The following PECAM1 variants were observed in gnomAD, a reference collection of about 807,000 sequenced individuals.
PECAM1 encodes the protein platelet and endothelial cell adhesion molecule 1, also known as platelet endothelial cell adhesion molecule.
PECAM1 carries 8 observed loss-of-function variants against 13.8 expected under a neutral mutation model. That is an observed-to-expected ratio of 0.58 (90% CI 0.34 to 1.05). PECAM1 has a LOEUF of 1.05. PECAM1 is among the 50% of genes least tolerant of loss of function. The probability of loss-of-function intolerance (pLI) is 0.03; values close to 1 mark genes in which losing one functional copy is unlikely to be tolerated. For missense variants in PECAM1, 304 were observed against 141.2 expected (o/e 2.15, Z -5.84); for synonymous variants, 136 against 52.6 (o/e 2.58, Z -6.86).
intron 10 of PECAM1, among the ~76,000 whole-genome samples, chr17:64,352,723 C>T (rs893534403): frequency 6.6e-6 from 1 of 151,784 alleles, no homozygotes; most frequent in Non-Finnish European, 1.5e-5. Flanking sequence ...AGTGCAATCT[C>T]GGATCACTGC....
chr17:64,321,910 G>A lies in PECAM1; in HGVS notation c.*1906C>T. 7.4e-7 allele frequency: 1 copy of A among 1,343,180 alleles called. No individual in the cohort carries two copies. 83.2% of individuals were successfully genotyped at this position (1,343,180 alleles called of 1,614,324 possible). A position where few individuals can be genotyped will look rare whatever the true frequency, so the allele number is the denominator to read the frequency against. ...CTCCCTGGACACAGGGGATCTGGCT[G>A]TCCCCAGATCATCAACAGAGACATG... On this transcript the variant is annotated 3_prime_UTR_variant, in exon 16 of 16. Coordinates refer to ENST00000563924, the MANE Select transcript of PECAM1 (RefSeq NM_000442.5).
chr17:64,365,107 A>T (rs1450405317), intron 5 of PECAM1, among the ~76,000 whole-genome samples: 1 of 151,530 alleles, frequency 6.6e-6, no homozygotes, highest in East Asian at 1.9e-4. Flanking sequence ...TTAAGCTGAT[A>T]AGCAACTTCA....
rs1555644625 is a variant in PECAM1, at chr17:64,322,543, C to T, written c.*1273G>A. 9 of 985,394 alleles carry T rather than the reference C, an allele frequency of 9.1e-6. No individual in the cohort carries two copies. Among genetic ancestry groups the T allele is most frequent in the East Asian group, 1.1e-4 (1 of 8,822 alleles). 61.0% of individuals were successfully genotyped at this position (985,394 alleles called of 1,614,324 possible). On this transcript the variant is annotated 3_prime_UTR_variant, in exon 16 of 16. Transcript: ENST00000563924. Reference sequence around the variant, plus strand: ...TCAAATTTATTTAATACAACATCCACGAGGGTCCCTGCAGCTGTGTCACTG... The same window carrying T: ...TCAAATTTATTTAATACAACATCCATGAGGGTCCCTGCAGCTGTGTCACTG...
chr17:64,370,719 C>T (rs1455869372), intron 4 of PECAM1, among the ~76,000 whole-genome samples: 2 of 152,130 alleles, frequency 1.3e-5, no homozygotes, highest in African/African-American at 2.4e-5. Context: ...GTATAGATCA[C>T]ATACCAACCA....
At chr17:64,382,067 T>A (rs1053055771) in intron 2 of PECAM1, among the ~76,000 whole-genome samples, 1 of 152,080 alleles carries the variant, frequency 6.6e-6, no homozygotes. Context: ...GCCATTGCAC[T>A]CCAGCCTGGG....
At position 64,373,526 on chromosome 17, in the gene PECAM1, C is replaced by CTGTGTG. The variant is rs199493363; in HGVS notation, c.691+1519_691+1524dup. Among the ~76,000 whole-genome samples, 1,264 of 148,964 alleles carry CTGTGTG rather than the reference C, an allele frequency of 8.5e-3. 8 individuals carry two copies. The highest frequency in any genetic ancestry group is 0.018 in the East Asian group (90 of 5,072). ...TTTGTAAAAACAAAAGATGTTTTTT[C>CTGTGTG]TGTGTGTGTGTGTGTGTGTGTGTGT... On this transcript the variant is annotated intron_variant, in intron 4 of 15. Coordinates refer to ENST00000563924, the MANE Select transcript of PECAM1 (RefSeq NM_000442.5).
intron 2 of PECAM1, among the ~76,000 whole-genome samples, chr17:64,385,833 T>G (rs1399247495): frequency 6.6e-6 from 1 of 151,848 alleles, no homozygotes; most frequent in Non-Finnish European, 1.5e-5. Flanking sequence ...GACACGAGGG[T>G]GTGAGAAATC....
chr17:64,355,134 C>A, intron 8 of PECAM1, 94 bp from the exon 9 acceptor site: 1 of 414,682 alleles, frequency 2.4e-6, no homozygotes, highest in South Asian at 1.2e-4. Flanking sequence ...AAAAGTCAGT[C>A]TGATTCTCAC....
chr17:64,346,359 C>T (rs111221632), intron 13 of PECAM1, among the ~76,000 whole-genome samples: 10,868 of 152,032 alleles, frequency 0.071, 1,307 homozygotes, highest in African/African-American at 0.25. Context: ...TTTTTTTAGA[C>T]GGAGTCTTGC....
In PECAM1 at chr17:64,322,874, C is replaced by T. The variant is rs1211399453; in HGVS notation, c.*942G>A. 3.1e-6 allele frequency: 1 copy of T among 325,664 alleles called. No homozygotes were observed. The highest frequency in any genetic ancestry group is 2.2e-5 in the African/African-American group (1 of 44,694). 20.2% of individuals were successfully genotyped at this position (325,664 alleles called of 1,614,324 possible). ...GATACTACAGGCATGCGCCACCACG[C>T]CCGGCTAATTCTTGTATTTTTAGTA... On this transcript the variant is annotated 3_prime_UTR_variant, in exon 16 of 16. Coordinates refer to ENST00000563924, the MANE Select transcript of PECAM1 (RefSeq NM_000442.5).
intron 7 of PECAM1, 110 bp from the exon 8 acceptor site, chr17:64,356,508 C>G (rs2035850067): frequency 7.4e-6 from 3 of 404,234 alleles, no homozygotes; most frequent in Non-Finnish European, 8.9e-6. Context: ...GAGTCCCGCT[C>G]TTATCACCCA....
Position 64,321,813 on chromosome 17 carries a change from A to G in PECAM1, c.*2003T>C. ...AGTCGTGCTGCATAAGTAAGGCACC[A>G]GGAGTAGGAATAGGGTCTTTGCAGC... On this transcript the variant is annotated 3_prime_UTR_variant, in exon 16 of 16. Coordinates refer to ENST00000563924, the MANE Select transcript of PECAM1 (RefSeq NM_000442.5). The G allele has an allele frequency of 7.5e-7, 1 of 1,339,964 alleles. No homozygotes were observed. Among genetic ancestry groups the G allele is most frequent in the South Asian group, 1.1e-5 (1 of 87,690 alleles). 83.0% of individuals were successfully genotyped at this position (1,339,964 alleles called of 1,614,324 possible).
Position 64,323,684 on chromosome 17 carries a change from TG to T in PECAM1, c.*131del, listed in dbSNP as rs1377311601. The T allele has an allele frequency of 6.5e-7, 1 of 1,536,430 alleles. No individual in the cohort carries two copies. The highest frequency in any genetic ancestry group is 8.8e-7 in the Non-Finnish European group (1 of 1,139,220). On this transcript the variant is annotated 3_prime_UTR_variant, in exon 16 of 16. Coordinates refer to ENST00000563924, the MANE Select transcript of PECAM1 (RefSeq NM_000442.5). ...GGATTTAAGAACCGGCAGCTTAGCC[TG>T]AGGAATTGCTGTGTTCTGTGGGAGC... is the stretch of plus-strand genomic sequence containing the variant.
rs915823056 is a variant in PECAM1, at chr17:64,367,475, G to A, written c.967+2275C>T. Among the ~76,000 whole-genome samples the A allele has an allele frequency of 5.3e-5, 8 of 151,630 alleles. No homozygotes were observed. In the East Asian group the frequency reaches 1.4e-3, roughly 26 times the overall value. On this transcript the variant is annotated intron_variant, in intron 5 of 15. Coordinates refer to ENST00000563924, the MANE Select transcript of PECAM1 (RefSeq NM_000442.5). Reference sequence around the variant, plus strand: ...TGAGGCAGGAGAATCGCTTGAACCCGGGAGGCGGAGGTTGCAGTGAGCTGA... The same window carrying A: ...TGAGGCAGGAGAATCGCTTGAACCCAGGAGGCGGAGGTTGCAGTGAGCTGA...
chr17:64,347,615 T>C (rs2035606578), intron 13 of PECAM1, among the ~76,000 whole-genome samples: 2 of 142,448 alleles, frequency 1.4e-5, no homozygotes, highest in South Asian at 2.1e-4. Flanking sequence ...ATAAAATATA[T>C]AAAAATAAAA....
rs2035944748 is a variant in PECAM1 at position 64,360,368 on chromosome 17, T to C, written c.1264A>G (p.Ile422Val). 1 of 475,418 alleles carries C rather than the reference T, an allele frequency of 2.1e-6. No homozygotes were observed. 29.4% of individuals were successfully genotyped at this position (475,418 alleles called of 1,614,324 possible). ...CGGACTTCGATGGTCTGTCCTTTTATGACCTCAAACTGGGCATCATAAGAA... is the reference window on the plus strand; with the variant it reads ...CGGACTTCGATGGTCTGTCCTTTTACGACCTCAAACTGGGCATCATAAGAA... The part of the protein sequence containing the change: ...RISYDAQFEV[I>V]KGQTIEVRCE... The change falls in exon 7 of 16, where the codon ATA (isoleucine) becomes GTA (valine). Residue 422 changes from isoleucine (I) to valine (V), a missense_variant. By Grantham distance (29) the Ile-to-Val change is conservative. Transcript: ENST00000563924.
intron 5 of PECAM1, among the ~76,000 whole-genome samples, chr17:64,366,625 C>A (rs1261517702): frequency 6.6e-6 from 1 of 151,784 alleles, no homozygotes; most frequent in African/African-American, 2.4e-5. Flanking sequence ...ACATATACAC[C>A]ATGGAATACT....
chr17:64,374,317 C>T (rs2036308241), intron 4 of PECAM1, among the ~76,000 whole-genome samples: 1 of 151,802 alleles, frequency 6.6e-6, no homozygotes, highest in Non-Finnish European at 1.5e-5. Context: ...TGGTAAAACC[C>T]TGTCTATACT....
chr17:64,323,663 T>C lies in PECAM1; in HGVS notation c.*153A>G. Reference sequence around the variant, plus strand: ...CCAACATTAACTTAGCAGGATGGATTTAAGAACCGGCAGCTTAGCCTGAGG... The same window carrying C: ...CCAACATTAACTTAGCAGGATGGATCTAAGAACCGGCAGCTTAGCCTGAGG... On this transcript the variant is annotated 3_prime_UTR_variant, in exon 16 of 16. Transcript: ENST00000563924. The C allele has an allele frequency of 1.3e-6, 2 of 1,500,844 alleles. No homozygotes were observed. 93.0% of individuals were successfully genotyped at this position (1,500,844 alleles called of 1,614,324 possible). A position where few individuals can be genotyped will look rare whatever the true frequency, so the allele number is the denominator to read the frequency against.
Sources: allele counts gnomAD v4.1 joint callset (sites outside exome capture counted in the v4.1 genomes callset), GRCh38; gene constraint gnomAD v4.1.1; transcripts MANE v1.5; gene names NCBI Gene and HGNC (gene_info 2026-07-23, HGNC 2026-07-21).